Variants in MVB12B observed in about 807,000 individuals in gnomAD.
MVB12B encodes ESCRT-I complex subunit MVB12B.
Under a neutral mutation model 41.6 loss-of-function variants are expected in MVB12B, and 16 were observed. That is an observed-to-expected ratio of 0.38 (90% CI 0.26 to 0.58). MVB12B has a LOEUF of 0.58. Ranked by LOEUF, MVB12B falls within the 20% of genes least tolerant of loss-of-function variation. The pLI is 0.62. For synonymous variants in MVB12B, 133 were observed against 139.7 expected, an observed-to-expected ratio of 0.95 and a Z score of 0.34; for missense variants, 274 against 380.2, an observed-to-expected ratio of 0.72 and a Z score of 2.32.
chr9:126,494,936 A>G (rs917672236), intron 9 of MVB12B, among the ~76,000 whole-genome samples: 3 of 151,530 alleles, frequency 2.0e-5, no homozygotes, highest in African/African-American at 7.3e-5. Context: ...TCACACCTGT[A>G]ATCCCAGCCC....
chr9:126,356,765 C>G (rs980065787), intron 2 of MVB12B, among the ~76,000 whole-genome samples: 1 of 151,948 alleles, frequency 6.6e-6, no homozygotes, highest in Non-Finnish European at 1.5e-5. Context: ...AGAGAGTTCT[C>G]GAGAGACCTG....
At chr9:126,402,153 A>G (rs1831285238) in intron 6 of MVB12B, among the ~76,000 whole-genome samples, 1 of 152,282 alleles carries the variant, frequency 6.6e-6, no homozygotes, top group East Asian at 1.9e-4. Context: ...TGGAGTTGAA[A>G]TCTGTGGTTT....
chr9:126,488,196 T>A (rs955629330), intron 9 of MVB12B, among the ~76,000 whole-genome samples: 6 of 152,134 alleles, frequency 3.9e-5, no homozygotes, highest in African/African-American at 1.4e-4. Flanking sequence ...TGGAGTGGGC[T>A]GTGTTCCCTG....
intron 6 of MVB12B, among the ~76,000 whole-genome samples, chr9:126,417,037 TG>T (rs904782794): frequency 1.3e-5 from 2 of 152,224 alleles, no homozygotes; most frequent in Non-Finnish European, 2.9e-5. Flanking sequence ...TGGGAAGCCT[TG>T]ATGTGCCTTT....
intron 7 of MVB12B, among the ~76,000 whole-genome samples, chr9:126,433,540 C>G (rs892750063): frequency 6.6e-6 from 1 of 152,160 alleles, no homozygotes; most frequent in African/African-American, 2.4e-5. Flanking sequence ...CTCCCCTACT[C>G]TAGCTCTCCT....
At chr9:126,420,281 A>T (rs1415995521) in intron 6 of MVB12B, among the ~76,000 whole-genome samples, 2 of 152,240 alleles carry the variant, frequency 1.3e-5, no homozygotes, top group Admixed American at 1.3e-4. Context: ...AACAAAGAAT[A>T]TTCAGGTTCC....
At chr9:126,452,432 G>A (rs1251593091) in intron 7 of MVB12B, among the ~76,000 whole-genome samples, 1 of 152,220 alleles carries the variant, frequency 6.6e-6, no homozygotes, top group Non-Finnish European at 1.5e-5. Context: ...GCGGGCCCAC[G>A]GGGTTGCCTG....
rs1193854756 is a variant in MVB12B at position 126,335,384 on chromosome 9, C to T, written c.82-5124C>T. ...AACTGGGCACAGCATGGACACTGGC[C>T]TCAGCTCTCAGCCTTCTGAGGAGGT... On this transcript the variant is annotated intron_variant, in intron 1 of 9. Transcript: ENST00000361171. 2.3e-6 allele frequency: 3 copies of T among 1,304,226 alleles called. No homozygotes were observed. In the African/African-American group the frequency reaches 4.6e-5, roughly 20 times the overall value. 80.8% of individuals were successfully genotyped at this position (1,304,226 alleles called of 1,614,324 possible).
intron 5 of MVB12B, among the ~76,000 whole-genome samples, chr9:126,393,085 G>T (rs1200414737): frequency 6.6e-5 from 10 of 152,248 alleles, no homozygotes; most frequent in African/African-American, 2.2e-4. Flanking sequence ...TCAGCACTGA[G>T]CATGGGCCTG....
chr9:126,368,657 C>T (rs1012666232), intron 2 of MVB12B, among the ~76,000 whole-genome samples: 4 of 152,084 alleles, frequency 2.6e-5, no homozygotes, highest in Admixed American at 6.5e-5. Flanking sequence ...CAATACATCT[C>T]GTTGACAGTT....
intron 6 of MVB12B, among the ~76,000 whole-genome samples, chr9:126,404,442 C>T (rs1489779617): frequency 6.6e-6 from 1 of 152,204 alleles, no homozygotes; most frequent in African/African-American, 2.4e-5. Context: ...ACGAGGCCCC[C>T]AGCCGTGAAG....
intron 1 of MVB12B, among the ~76,000 whole-genome samples, chr9:126,336,569 T>A (rs2118804148): frequency 6.6e-6 from 1 of 152,364 alleles, no homozygotes; most frequent in East Asian, 1.9e-4. Flanking sequence ...AAGCGCTATC[T>A]GCAGCACTGC....
At chr9:126,373,089 G>A (rs1484669642) in intron 2 of MVB12B, among the ~76,000 whole-genome samples, 1 of 152,134 alleles carries the variant, frequency 6.6e-6, no homozygotes, top group Admixed American at 6.5e-5. Context: ...TGAAGACTGA[G>A]GCAGATGCAT....
intron 2 of MVB12B, among the ~76,000 whole-genome samples, chr9:126,353,087 T>C (rs1055347333): frequency 6.6e-6 from 1 of 152,044 alleles, no homozygotes; most frequent in African/African-American, 2.4e-5. Context: ...GTGAGCAGTA[T>C]TGAAAGGTGG....
At position 126,386,463 on chromosome 9, in the gene MVB12B, C is replaced by T. The variant is rs1235479165; in HGVS notation, c.313-99C>T. On this transcript the variant is annotated intron_variant, in intron 3 of 9. Coordinates refer to ENST00000361171, the MANE Select transcript of MVB12B (RefSeq NM_033446.3). This position sits in a 1 kb window ranked among gnomAD's most constrained non-coding sequence, Gnocchi z 4.3. ...ATTAACCTGCTGTCATAAAGCTGCACGAGTCATTGTGTTAAATATGCATCT... is the reference window on the plus strand; with the variant it reads ...ATTAACCTGCTGTCATAAAGCTGCATGAGTCATTGTGTTAAATATGCATCT... 2.4e-5 allele frequency: 18 copies of T among 751,560 alleles called. No homozygotes were observed. Among genetic ancestry groups the T allele is most frequent in the Non-Finnish European group, 3.5e-5 (15 of 429,534 alleles). The allele number at this position is 751,560 out of a possible 1,614,324, so 46.6% of individuals were successfully genotyped here.
intron 7 of MVB12B, among the ~76,000 whole-genome samples, chr9:126,454,866 C>T (rs992670776): frequency 6.6e-6 from 1 of 152,010 alleles, no homozygotes; most frequent in African/African-American, 2.4e-5. Flanking sequence ...GGTAACAACA[C>T]ACCACAGAGA....
intron 2 of MVB12B, among the ~76,000 whole-genome samples, chr9:126,352,024 C>G (rs1008139): frequency 0.28 from 43,160 of 151,796 alleles, 6,191 homozygotes; most frequent in African/African-American, 0.34. Context: ...ATTAAACCAG[C>G]CTTGCATCCC....
chr9:126,437,412 G>A (rs1832512611), intron 7 of MVB12B, among the ~76,000 whole-genome samples: 1 of 152,156 alleles, frequency 6.6e-6, no homozygotes, highest in Non-Finnish European at 1.5e-5. Flanking sequence ...ATTAAACTAT[G>A]TGCATCTGCT....
At chr9:126,467,486 G>A (rs1038877383) in intron 7 of MVB12B, among the ~76,000 whole-genome samples, 6 of 152,188 alleles carry the variant, frequency 3.9e-5, no homozygotes, top group Non-Finnish European at 8.8e-5. Context: ...TAGGTAATTT[G>A]TGGGGAATAC....
Sources: gnomAD v4.1 joint callset for allele counts (sites outside exome capture counted in the v4.1 genomes callset) on GRCh38, gnomAD v4.1.1 for gene constraint, Gnocchi (gnomAD v3.1) non-coding constraint, MANE v1.5 for transcripts, NCBI Gene and HGNC (gene_info 2026-07-23, HGNC 2026-07-21) for gene names.